The following VPS41 variants were observed in gnomAD, a reference collection of about 807,000 sequenced individuals.
VPS41 encodes VPS41 subunit of HOPS complex.
In VPS41, 85 loss-of-function variants were observed where a neutral mutation model predicts 130.9. The observed-to-expected ratio is 0.65, with a 90% CI of 0.55 to 0.78. The LOEUF (loss-of-function observed/expected upper bound fraction) is 0.78, where lower values mean the gene tolerates loss of function less well. Ranked by LOEUF, VPS41 falls within the 30% of genes least tolerant of loss-of-function variation. The probability of loss-of-function intolerance (pLI) is 0.00; values close to 1 mark genes in which losing one functional copy is unlikely to be tolerated. For missense variants in VPS41, 874 were observed against 1,018.7 expected (o/e 0.86, Z 1.93); for synonymous variants, 335 against 332.9 (o/e 1.01, Z -0.07).
chr7:38,874,693 C>G lies in VPS41; in HGVS notation c.61-5440G>C, dbSNP rs1022905728. On this transcript the variant is annotated intron_variant, in intron 2 of 28. Transcript: ENST00000310301. The stretch of plus-strand genomic sequence containing the variant: ...ACACACAAACACACACAAAAAAAAC[C>G]TTTCATGCAGTTTGAACTTCCACAG... Among the ~76,000 whole-genome samples the G allele has an allele frequency of 2.0e-5, 3 of 152,162 alleles. No individual in the cohort carries two copies. The East Asian group carries it at 5.8e-4, about 29-fold the overall frequency.
intron 8 of VPS41, 51 bp downstream of exon 8, chr7:38,796,694 C>A: frequency 6.2e-7 from 1 of 1,611,514 alleles, no homozygotes; most frequent in South Asian, 1.1e-5. Context: ...TCAAGTTGGC[C>A]ATTCTTCTGC....
chr7:38,783,412 G>A (rs546868004), intron 10 of VPS41, among the ~76,000 whole-genome samples: 11 of 152,184 alleles, frequency 7.2e-5, no homozygotes, highest in Middle Eastern at 3.4e-3. Context: ...GCAGGCGCCT[G>A]TAATCCCAGC....
At chr7:38,795,836 G>A (rs569810238) in intron 8 of VPS41, among the ~76,000 whole-genome samples, 31 of 152,242 alleles carry the variant, frequency 2.0e-4, no homozygotes, top group African/African-American at 7.5e-4. Context: ...TTCTTAGATG[G>A]CATGGGTGAC....
At chr7:38,772,093 G>C (rs1283744352) in intron 13 of VPS41, among the ~76,000 whole-genome samples, 1 of 151,736 alleles carries the variant, frequency 6.6e-6, no homozygotes, top group Non-Finnish European at 1.5e-5. Context: ...ATTAATCTAA[G>C]CCAAACCTCA....
chr7:38,791,664 G>A (rs186435906), intron 9 of VPS41, among the ~76,000 whole-genome samples: 22 of 152,166 alleles, frequency 1.4e-4, no homozygotes, highest in Non-Finnish European at 2.8e-4. Flanking sequence ...AAGCTCAATC[G>A]GACAGAAATG....
chr7:38,871,151 C>T (rs1257471345), intron 2 of VPS41, among the ~76,000 whole-genome samples: 1 of 151,974 alleles, frequency 6.6e-6, no homozygotes. Context: ...CATCAACCTA[C>T]AAACTCAAGA....
chr7:38,899,268 T>C (rs935500391), intron 1 of VPS41, among the ~76,000 whole-genome samples: 3 of 152,302 alleles, frequency 2.0e-5, no homozygotes, highest in Middle Eastern at 3.4e-3. Flanking sequence ...CAATGAATAT[T>C]AGAATCTCCT....
rs757748330 is a variant in VPS41 at position 38,774,073 on chromosome 7, AC to A, written c.1012+41del. 1.8e-5 allele frequency: 27 copies of A among 1,513,082 alleles called. No homozygotes were observed. In the South Asian group the frequency reaches 2.9e-4, roughly 16 times the overall value. 93.7% of individuals were successfully genotyped at this position (1,513,082 alleles called of 1,614,324 possible). A position where few individuals can be genotyped will look rare whatever the true frequency, so the allele number is the denominator to read the frequency against. ...TGCAAGTAGGAAGGGGGAGAAAAAA[AC>A]ATTAAAAAAGCATATCAGCCAGATC... On this transcript the variant is annotated intron_variant, in intron 12 of 28. Transcript: ENST00000310301.
At chr7:38,764,003 CTG>C (rs1332214509) in intron 16 of VPS41, among the ~76,000 whole-genome samples, 1 of 152,136 alleles carries the variant, frequency 6.6e-6, no homozygotes, top group African/African-American at 2.4e-5. Context: ...ATTTTCAGTA[CTG>C]TGTTAAAAGT....
chr7:38,730,915 G>A (rs1034910500), intron 25 of VPS41, among the ~76,000 whole-genome samples: 1 of 152,060 alleles, frequency 6.6e-6, no homozygotes, highest in Non-Finnish European at 1.5e-5. Flanking sequence ...AAAGAAAACA[G>A]CAAAATATGC....
At chr7:38,764,934 C>G (rs1442245181) in intron 16 of VPS41, among the ~76,000 whole-genome samples, 1 of 152,048 alleles carries the variant, frequency 6.6e-6, no homozygotes, top group African/African-American at 2.4e-5. Context: ...ATCCAATAAA[C>G]CCAATGAGAA....
At chr7:38,773,758 T>G (rs1014416864) in intron 12 of VPS41, among the ~76,000 whole-genome samples, 80 of 152,162 alleles carry the variant, frequency 5.3e-4, no homozygotes, top group African/African-American at 1.8e-3. Flanking sequence ...GAGCGAACTT[T>G]CCTGACACAT....
At chr7:38,870,952 AT>A (rs901002871) in intron 2 of VPS41, among the ~76,000 whole-genome samples, 29 of 152,068 alleles carry the variant, frequency 1.9e-4, no homozygotes, top group African/African-American at 6.3e-4. Flanking sequence ...GTAAAAAAAA[AT>A]ATCCAAAGGG....
At chr7:38,727,029 C>T in intron 27 of VPS41, 41 bp from the exon 28 acceptor site, 1 of 1,454,552 alleles carries the variant, frequency 6.9e-7, no homozygotes, top group Non-Finnish European at 9.1e-7. Context: ...CTTAATGCAA[C>T]AAGCAAGATC....
intron 17 of VPS41, among the ~76,000 whole-genome samples, chr7:38,759,906 A>C (rs1474628050): frequency 6.6e-6 from 1 of 152,154 alleles, no homozygotes; most frequent in Non-Finnish European, 1.5e-5. Context: ...GGCTGCTCCC[A>C]CAGTGAAACT....
intron 2 of VPS41, among the ~76,000 whole-genome samples, chr7:38,876,547 T>C (rs1313656188): frequency 6.6e-6 from 1 of 152,180 alleles, no homozygotes; most frequent in Non-Finnish European, 1.5e-5. Flanking sequence ...AAAATCACTG[T>C]TGTGAGCTAT....
intron 16 of VPS41, among the ~76,000 whole-genome samples, chr7:38,765,036 G>A (rs753284631): frequency 3.0e-4 from 45 of 152,066 alleles, no homozygotes; most frequent in Non-Finnish European, 6.3e-4. Flanking sequence ...CTTGAAGAGA[G>A]CATTCAAAAG....
At chr7:38,805,337 A>G (rs999085174) in intron 7 of VPS41, among the ~76,000 whole-genome samples, 1 of 152,166 alleles carries the variant, frequency 6.6e-6, no homozygotes, top group African/African-American at 2.4e-5. Context: ...AATGGAGATC[A>G]TCCTGGCCAA....
intron 1 of VPS41, among the ~76,000 whole-genome samples, chr7:38,899,137 G>A (rs974075853): frequency 2.0e-5 from 3 of 152,138 alleles, no homozygotes; most frequent in African/African-American, 7.2e-5. Context: ...CCTGACAGGT[G>A]GCAGGCACCT....
Sources: gnomAD v4.1 joint callset for allele counts (sites outside exome capture counted in the v4.1 genomes callset) on GRCh38, gnomAD v4.1.1 for gene constraint, MANE v1.5 for transcripts, NCBI Gene and HGNC (gene_info 2026-07-23, HGNC 2026-07-21) for gene names.